ZXDC: variants seen among roughly 807,000 people sequenced by gnomAD.
ZXDC encodes the protein zinc finger protein ZXDC.
In ZXDC, 58 loss-of-function variants were observed where a neutral mutation model predicts 63.6. The ratio of observed to expected loss-of-function variants is 0.91; its 90% confidence interval spans 0.74 to 1.13. The LOEUF (loss-of-function observed/expected upper bound fraction) is 1.13, where lower values mean the gene tolerates loss of function less well. ZXDC is among the 50% of genes most tolerant of loss of function. ZXDC has a pLI of 0.00. For synonymous variants in ZXDC, 561 were observed against 496.1 expected, an observed-to-expected ratio of 1.13 and a Z score of -1.74; for missense variants, 1,133 against 1,148.9, an observed-to-expected ratio of 0.99 and a Z score of 0.20.
chr3:126,459,259 G>A (rs1258373651), intron 7 of ZXDC: 6 of 985,244 alleles, frequency 6.1e-6, no homozygotes, highest in East Asian at 1.1e-4. Context: ...CCATGTACAC[G>A]TACCTGGGGA....
At chr3:126,468,865 C>G (rs62264719) in intron 4 of ZXDC, among the ~76,000 whole-genome samples, 12 of 152,318 alleles carry the variant, frequency 7.9e-5, no homozygotes, top group African/African-American at 2.6e-4. Flanking sequence ...GCACCACCCC[C>G]ACTGTGCTGT....
At chr3:126,469,749 C>T (rs183175792) in intron 4 of ZXDC, among the ~76,000 whole-genome samples, 157 of 152,354 alleles carry the variant, frequency 1.0e-3, no homozygotes, top group Non-Finnish European at 1.5e-3. Flanking sequence ...CCGTTCTCAC[C>T]CCGGTCTGGG....
chr3:126,465,804 A>G (rs1227329364), intron 5 of ZXDC, among the ~76,000 whole-genome samples: 1 of 152,092 alleles, frequency 6.6e-6, no homozygotes, highest in African/African-American at 2.4e-5. Context: ...TGCAAAAATT[A>G]GCTGGGCATG....
intron 7 of ZXDC, 106 bp downstream of exon 7, chr3:126,459,547 A>T (rs1043803): frequency 9.0e-6 from 14 of 1,561,892 alleles, no homozygotes; most frequent in Non-Finnish European, 1.1e-5. Context: ...TGAACAGAAA[A>T]GTAAAACCAA....
chr3:126,471,949 T>C, intron 3 of ZXDC, 24 bp downstream of exon 3: 2 of 1,595,944 alleles, frequency 1.3e-6, no homozygotes, highest in Non-Finnish European at 1.7e-6. Flanking sequence ...AACCTGATAA[T>C]GCAAACCAAA....
intron 7 of ZXDC, chr3:126,453,027 A>G (rs2107638384): frequency 1.0e-6 from 1 of 985,326 alleles, no homozygotes; most frequent in Middle Eastern, 5.2e-4. Flanking sequence ...TCTCTTTCTG[A>G]GAGATACCCT....
chr3:126,457,754 C>A, intron 7 of ZXDC: 1 of 712,096 alleles, frequency 1.4e-6, no homozygotes, highest in South Asian at 6.4e-5. Flanking sequence ...TTTAGAGTAA[C>A]CCCTAAGAAA....
intron 7 of ZXDC, 114 bp from the exon 8 acceptor site, chr3:126,442,060 C>G (rs981488156): frequency 1.1e-5 from 13 of 1,237,544 alleles, no homozygotes; most frequent in Non-Finnish European, 1.4e-5. Flanking sequence ...TCATTCTGCA[C>G]AGCTAAGAGA....
Position 126,471,042 on chromosome 3 carries a change from T to A in ZXDC, c.1140-17A>T. On this transcript the variant is annotated splice_polypyrimidine_tract_variant and intron_variant, in intron 3 of 9. Transcript: ENST00000389709. The stretch of plus-strand genomic sequence containing the variant: ...TCATGTTTCCTGCCAGACAGAAAAA[T>A]AAAGGAGCTGTGATTCCTCACACAA... 6.2e-7 allele frequency: 1 copy of A among 1,611,574 alleles called. No individual in the cohort carries two copies. The highest frequency in any genetic ancestry group is 8.5e-7 in the Non-Finnish European group (1 of 1,178,074).
intron 6 of ZXDC, chr3:126,461,232 T>C (rs1218426862): frequency 8.8e-7 from 1 of 1,137,744 alleles, no homozygotes; most frequent in Non-Finnish European, 1.1e-6. Flanking sequence ...ATCTCAACAT[T>C]ACAAAACCCC....
intron 7 of ZXDC, chr3:126,454,612 G>T (rs1465823966): frequency 1.0e-6 from 1 of 985,252 alleles, no homozygotes; most frequent in Non-Finnish European, 1.2e-6. Flanking sequence ...TGAAAGGAGA[G>T]GTGCCCTCAT....
rs139855016 is a variant in ZXDC, at chr3:126,463,447, T to A, written c.1442-1227A>T. Among the ~76,000 whole-genome samples, 30 of 152,392 alleles carry A rather than the reference T, an allele frequency of 2.0e-4. No homozygotes were observed. In the East Asian group the frequency reaches 4.0e-3, roughly 21 times the overall value. On this transcript the variant is annotated intron_variant, in intron 5 of 9. Transcript: ENST00000389709. ...TAATACTCTTTAAATATTTGATTAT[T>A]TGTTATTCAACTACGTAATTTAAAT...
At chr3:126,454,465 C>T in intron 7 of ZXDC, 1 of 985,384 alleles carries the variant, frequency 1.0e-6, no homozygotes. Context: ...AACATTAGCC[C>T]TTGCTTTGTG....
intron 7 of ZXDC, among the ~76,000 whole-genome samples, chr3:126,447,758 G>A (rs12490237): frequency 2.2e-4 from 33 of 152,262 alleles, no homozygotes; most frequent in Admixed American, 1.4e-3. Flanking sequence ...TGCCCTGTTC[G>A]GCCTCTGTGG....
chr3:126,450,330 G>A, intron 7 of ZXDC: 1 of 456,710 alleles, frequency 2.2e-6, no homozygotes, highest in Non-Finnish European at 4.4e-6. Flanking sequence ...CACAAGAGCA[G>A]ACAGCTCCCA....
chr3:126,467,257 G>C (rs1199343360), intron 4 of ZXDC, among the ~76,000 whole-genome samples: 1 of 152,200 alleles, frequency 6.6e-6, no homozygotes, highest in African/African-American at 2.4e-5. Context: ...ATGAAGGGCA[G>C]CAGTGCAGGC....
rs749753621 is a variant in ZXDC, at chr3:126,466,187, G to A, written c.1409C>T (p.Ala470Val). 10 of 1,614,098 alleles carry A rather than the reference G, an allele frequency of 6.2e-6. No homozygotes were observed. The highest frequency in any genetic ancestry group is 2.2e-5 in the East Asian group (1 of 44,886). ...CCGGCTGTGCTGTCTGACCATGTGC[G>A]CCTTCATGCTGTGCTTGGAGGTGAA... is the stretch of plus-strand genomic sequence containing the variant. ...RLFTSKHSMK[A>V]HMVRQHSRRQ... Residue 470 changes from alanine (A) to valine (V), a missense_variant, in exon 5 of 10, where the codon GCG (alanine) becomes GTG (valine). Ala to Val is a moderately conservative substitution (Grantham distance 64). Coordinates refer to ENST00000389709, the MANE Select transcript of ZXDC (RefSeq NM_025112.5).
intron 3 of ZXDC, 100 bp from the exon 4 acceptor site, chr3:126,471,125 C>CA (rs1934965202): frequency 6.9e-7 from 1 of 1,459,774 alleles, no homozygotes; most frequent in African/African-American, 1.4e-5. Context: ...TTTGCATTTA[C>CA]AAAAATGATC....
rs1934572081 is a variant in ZXDC, at chr3:126,462,045, A to T, written c.1617T>A (p.Thr539=). Residue 539 remains threonine (T), a synonymous_variant, in exon 6 of 10, where the codon ACT becomes ACA. Transcript: ENST00000389709. The part of the protein sequence containing the change: ...SDEALNSGIL[T]IDVTSVSSSL... ...AGGAGCTCACAGAAGTGACGTCAAT[A>T]GTCAGGATTCCGGAGTTCAGAGCCT... is the stretch of plus-strand genomic sequence containing the variant. The T allele has an allele frequency of 6.2e-7, 1 of 1,613,988 alleles. No homozygotes were observed. Among genetic ancestry groups the T allele is most frequent in the African/African-American group, 1.3e-5 (1 of 74,902 alleles).
Sources: gnomAD v4.1 joint callset for allele counts (sites outside exome capture counted in the v4.1 genomes callset) on GRCh38, gnomAD v4.1.1 for gene constraint, MANE v1.5 for transcripts, NCBI Gene and HGNC (gene_info 2026-07-23, HGNC 2026-07-21) for gene names.